MRC2: variants seen among roughly 807,000 people sequenced by gnomAD.
MRC2 encodes the protein C-type mannose receptor 2.
In MRC2, 84 loss-of-function variants were observed where a neutral mutation model predicts 206.2. The observed-to-expected ratio is 0.41, with a 90% CI of 0.34 to 0.49. The LOEUF is 0.49. MRC2 is among the 20% of genes least tolerant of loss of function. MRC2 has a pLI of 0.31. For synonymous variants in MRC2, 798 were observed against 800.0 expected (o/e 1.00, Z 0.04); for missense variants, 1,676 against 2,001.5 (o/e 0.84, Z 3.10).
At chr17:62,633,144 C>G (rs2088266702) in intron 1 of MRC2, among the ~76,000 whole-genome samples, 1 of 152,086 alleles carries the variant, frequency 6.6e-6, no homozygotes, top group African/African-American at 2.4e-5. Flanking sequence ...TGAGATATGT[C>G]CCTGGTACAC....
intron 26 of MRC2, 111 bp downstream of exon 26, chr17:62,690,416 T>TA (rs1166254400): frequency 1.5e-5 from 22 of 1,424,226 alleles, no homozygotes; most frequent in Non-Finnish European, 2.0e-5. Flanking sequence ...AGGCAGCACT[T>TA]ACACAAGATG....
chr17:62,682,984 A>G (rs2088988155), intron 20 of MRC2, among the ~76,000 whole-genome samples: 1 of 152,188 alleles, frequency 6.6e-6, no homozygotes. Context: ...ATGAACTCCT[A>G]TTAGTAAAAC....
rs1789131995 is a variant in MRC2, at chr17:62,680,645, G to A, written c.2474-155G>A. 1 of 1,260,320 alleles carries A rather than the reference G, an allele frequency of 7.9e-7. No homozygotes were observed. The highest frequency in any genetic ancestry group is 1.1e-6 in the Non-Finnish European group (1 of 936,524). The allele number at this position is 1,260,320 out of a possible 1,614,324, so 78.1% of individuals were successfully genotyped here. Reference sequence around the variant, plus strand: ...GTGTGGGAGGCGAGGCAAGCCTGGGGCCTGGGGCCTGGCACGGTGCCTGCC... The same window carrying A: ...GTGTGGGAGGCGAGGCAAGCCTGGGACCTGGGGCCTGGCACGGTGCCTGCC... On this transcript the variant is annotated intron_variant, in intron 16 of 29. Transcript: ENST00000303375. The surrounding 1 kb of genome is among the most constrained non-coding windows in gnomAD (Gnocchi z 4.8).
At chr17:62,631,479 A>G (rs985153594) in intron 1 of MRC2, among the ~76,000 whole-genome samples, 2 of 152,156 alleles carry the variant, frequency 1.3e-5, no homozygotes, top group African/African-American at 2.4e-5. Flanking sequence ...CTCCAGTACC[A>G]TACAGCGTTT....
intron 1 of MRC2, among the ~76,000 whole-genome samples, chr17:62,654,241 C>T (rs933195064): frequency 6.6e-6 from 1 of 152,042 alleles, no homozygotes; most frequent in African/African-American, 2.4e-5. Flanking sequence ...CAGGGCTGGC[C>T]AGCTGTCCTC....
At position 62,667,328 on chromosome 17, in the gene MRC2, C is replaced by T; in HGVS notation, c.974-62C>T. ...GGGAGGTAGGAGGTTCTGAGCAGGG[C>T]CCCGGGAGCCACGGTGTGAGCTTCT... is the stretch of plus-strand genomic sequence containing the variant. On this transcript the variant is annotated intron_variant, in intron 5 of 29. Transcript: ENST00000303375. This position sits in a 1 kb window ranked among gnomAD's most constrained non-coding sequence, Gnocchi z 4.1. The T allele has an allele frequency of 6.6e-7, 1 of 1,517,632 alleles. No homozygotes were observed. Among genetic ancestry groups the T allele is most frequent in the South Asian group, 1.3e-5 (1 of 75,412 alleles). The allele number at this position is 1,517,632 out of a possible 1,614,324, so 94.0% of individuals were successfully genotyped here.
At chr17:62,691,175 G>A (rs749927911) in intron 28 of MRC2, 47 bp downstream of exon 28, 15 of 1,541,620 alleles carry the variant, frequency 9.7e-6, no homozygotes, top group African/African-American at 2.8e-5. Flanking sequence ...ACCCCGTGCC[G>A]CTGGTCCTGG....
At position 62,664,610 on chromosome 17, in the gene MRC2, C is replaced by A; in HGVS notation, c.181C>A (p.Gln61Lys). ...LQGCLEAQGG[Q>K]VRVTPACNTS... ...GGGCTGCCTGGAGGCCCAGGGCGGG[C>A]AGGTCAGAGTCACCCCGGCTTGCAA... is the stretch of plus-strand genomic sequence containing the variant. The change falls in exon 2 of 30, where the codon CAG becomes AAG. Residue 61 changes from glutamine to lysine, a missense_variant. Physicochemically the swap from Gln to Lys is moderately conservative, Grantham distance 53. Coordinates refer to ENST00000303375, the MANE Select transcript of MRC2 (RefSeq NM_006039.5). This position sits in a 1 kb window ranked among gnomAD's most constrained non-coding sequence, Gnocchi z 4.7. 6.2e-7 allele frequency: 1 copy of A among 1,613,462 alleles called. No homozygotes were observed. The highest frequency in any genetic ancestry group is 8.5e-7 in the Non-Finnish European group (1 of 1,179,994).
At chr17:62,682,002 G>T in intron 19 of MRC2, 65 bp downstream of exon 19, 1 of 1,401,324 alleles carries the variant, frequency 7.1e-7, no homozygotes, top group South Asian at 1.3e-5. Context: ...GGGCGAGCCT[G>T]GGCAGAAGTC....
chr17:62,640,489 C>T (rs903640015), intron 1 of MRC2, among the ~76,000 whole-genome samples: 3 of 152,046 alleles, frequency 2.0e-5, no homozygotes, highest in African/African-American at 4.8e-5. Context: ...TAATCTCAAA[C>T]GTACACTGAT....
intron 14 of MRC2, 79 bp downstream of exon 14, chr17:62,679,981 TG>T: frequency 1.5e-6 from 2 of 1,341,304 alleles, no homozygotes; most frequent in South Asian, 1.4e-5. Flanking sequence ...GGCCTGGAGG[TG>T]GGCGGGTTTT....
Position 62,664,916 on chromosome 17 carries a change from A to C in MRC2, c.487A>C (p.Ser163Arg), listed in dbSNP as rs766002791. The C allele has an allele frequency of 1.2e-6, 2 of 1,611,746 alleles. No individual in the cohort carries two copies. The highest frequency in any genetic ancestry group is 1.7e-5 in the Admixed American group (1 of 59,992). ...TRSGQWRIYG[S>R]EEDLCALPYH... ...CAGTGGCCAGTGGCGCATCTACGGCAGCGAGGAGGACCTATGTGCTCTGCC... is the reference window on the plus strand; with the variant it reads ...CAGTGGCCAGTGGCGCATCTACGGCCGCGAGGAGGACCTATGTGCTCTGCC... The change falls in exon 2 of 30, where the codon AGC becomes CGC. Residue 163 changes from serine (S) to arginine (R), a missense_variant. Around this residue, in one of 3 missense-constraint regions of MRC2, gnomAD observed 318 missense variants for 346.7 expected, o/e 0.92. Coordinates refer to ENST00000303375, the MANE Select transcript of MRC2 (RefSeq NM_006039.5). This position sits in a 1 kb window ranked among gnomAD's most constrained non-coding sequence, Gnocchi z 4.7.
At chr17:62,676,664 C>T (rs574780893) in intron 11 of MRC2, 133 bp downstream of exon 11, 5 of 1,172,564 alleles carry the variant, frequency 4.3e-6, no homozygotes, top group African/African-American at 1.6e-5. Flanking sequence ...TCTATGAGCA[C>T]AAGCTCTGAA....
In MRC2 at chr17:62,693,207, CT is replaced by C. The variant is rs1385587781; in HGVS notation, c.*757del. 1 of 152,614 alleles carries C rather than the reference CT, an allele frequency of 6.6e-6. No individual in the cohort carries two copies. The highest frequency in any genetic ancestry group is 1.5e-5 in the Non-Finnish European group (1 of 68,096). 9.5% of individuals were successfully genotyped at this position (152,614 alleles called of 1,614,324 possible). On this transcript the variant is annotated 3_prime_UTR_variant, in exon 30 of 30. Coordinates refer to ENST00000303375, the MANE Select transcript of MRC2 (RefSeq NM_006039.5). The stretch of plus-strand genomic sequence containing the variant: ...TGCCGGGCGGGGGAGGGCTCTGCCC[CT>C]GGAAGAGTCCCCTGTGGGGACCAAA...
intron 1 of MRC2, among the ~76,000 whole-genome samples, chr17:62,657,645 T>A (rs2088633669): frequency 1.0e-5 from 1 of 99,706 alleles, no homozygotes; most frequent in Admixed American, 1.1e-4. Context: ...GGGGGGTGGG[T>A]GAGGCTGGAG....
At chr17:62,673,801 C>T (rs528872913) in intron 8 of MRC2, among the ~76,000 whole-genome samples, 17 of 152,204 alleles carry the variant, frequency 1.1e-4, no homozygotes, top group South Asian at 2.1e-4. Flanking sequence ...TGAGCCACCG[C>T]GCCGGGCCAG....
In MRC2 at chr17:62,676,520, G is replaced by T. The variant is rs137862360; in HGVS notation, c.1823G>T (p.Arg608Leu). ...GDEVMYTHWN[R>L]DQPGYSRGGC... is the part of the protein sequence containing the mutation. ...GAAGTCATGTACACCCACTGGAACC[G>T]GGACCAGCCCGGTGAGCCCCTTATT... Residue 608 changes from arginine to leucine, a missense_variant, in exon 11 of 30, where the codon CGG becomes CTG. By Grantham distance (102) the Arg-to-Leu change is moderately radical. This residue lies in a region of MRC2 where 1,354 missense variants were observed against 1,636.6 expected (regional missense o/e 0.83). Transcript: ENST00000303375. 3 of 1,594,376 alleles carry T rather than the reference G, an allele frequency of 1.9e-6. No individual in the cohort carries two copies. The highest frequency in any genetic ancestry group is 2.6e-6 in the Non-Finnish European group (3 of 1,170,274).
chr17:62,680,529 C>T lies in MRC2; in HGVS notation c.2473+76C>T. The T allele has an allele frequency of 6.3e-7, 1 of 1,578,106 alleles. No individual in the cohort carries two copies. Among genetic ancestry groups the T allele is most frequent in the South Asian group, 1.1e-5 (1 of 89,614 alleles). The stretch of plus-strand genomic sequence containing the variant: ...AACTCTGGGGTAAGTCCCGAGAGGC[C>T]TGAATGAAATGGAGGGGATGAGGAG... On this transcript the variant is annotated intron_variant, in intron 16 of 29. Transcript: ENST00000303375. The surrounding 1 kb of genome is among the most constrained non-coding windows in gnomAD (Gnocchi z 4.8).
In MRC2 at chr17:62,682,316, C is replaced by G; in HGVS notation, c.2885C>G (p.Pro962Arg). 6.2e-7 allele frequency: 1 copy of G among 1,606,978 alleles called. No individual in the cohort carries two copies. The highest frequency in any genetic ancestry group is 8.5e-7 in the Non-Finnish European group (1 of 1,176,934). Residue 962 changes from proline to arginine, a missense_variant, in exon 20 of 30, where the codon CCA becomes CGA. Coordinates refer to ENST00000303375, the MANE Select transcript of MRC2 (RefSeq NM_006039.5). ...RSNVTKETQP[P>R]DLPTTALGGC... ...AACGTCACCAAAGAAACGCAGCCCC[C>G]AGACCTGCCAACTACAGCCCTGGGG...
Sources: allele counts gnomAD v4.1 joint callset (sites outside exome capture counted in the v4.1 genomes callset), GRCh38; gene constraint gnomAD v4.1.1; regional missense constraint gnomAD v4.1.1; non-coding constraint Gnocchi (gnomAD v3.1); transcripts MANE v1.5; gene names NCBI Gene and HGNC (gene_info 2026-07-23, HGNC 2026-07-21).